The following CRACD variants were observed in gnomAD, a reference collection of about 807,000 sequenced individuals.
CRACD encodes capping protein inhibiting regulator of actin dynamics.
A neutral mutation model predicts 106.8 loss-of-function variants in CRACD; 56 were observed. The ratio of observed to expected loss-of-function variants is 0.52; its 90% confidence interval spans 0.42 to 0.66. The LOEUF is 0.66. Ranked by LOEUF, CRACD falls within the 30% of genes least tolerant of loss-of-function variation. The pLI, the probability that CRACD is intolerant of heterozygous loss-of-function variation, is 0.00. For missense variants in CRACD, 1,730 were observed against 1,623.2 expected (o/e 1.07, Z -1.13); for synonymous variants, 754 against 670.8 (o/e 1.12, Z -1.92).
At chr4:56,214,496 G>A (rs1271817031) in intron 2 of CRACD, among the ~76,000 whole-genome samples, 1 of 151,850 alleles carries the variant, frequency 6.6e-6, no homozygotes, top group Non-Finnish European at 1.5e-5. Flanking sequence ...GGAAGCCGCG[G>A]CAGGAGAATC....
intron 2 of CRACD, among the ~76,000 whole-genome samples, chr4:56,193,925 A>G (rs963380207): frequency 6.6e-6 from 1 of 152,036 alleles, no homozygotes; most frequent in Non-Finnish European, 1.5e-5. Flanking sequence ...GTGTAGTTTG[A>G]TATTATAGGC....
rs148407172 is a variant in CRACD, at chr4:56,071,107, T to G, written c.-336+21808T>G. 2.8e-3 allele frequency among the ~76,000 whole-genome samples: 430 copies of G among 152,260 alleles called. 2 individuals are homozygous for G. The highest frequency in any genetic ancestry group is 9.2e-3 in the African/African-American group (381 of 41,540). ...CCTCCTCATGTTATCTGAAATAAAA[T>G]AGATGGCATGATAGCCCTATTTGTA... On this transcript the variant is annotated intron_variant, in intron 1 of 10. Coordinates refer to ENST00000682029, the MANE Select transcript of CRACD (RefSeq NM_001393381.1).
chr4:56,310,996 A>T, intron 6 of CRACD: 1 of 453,282 alleles, frequency 2.2e-6, no homozygotes, highest in Non-Finnish European at 4.0e-6. Context: ...AGAAGTTGGT[A>T]GCTTTCCTCA....
chr4:56,142,952 T>G (rs1735256155), intron 1 of CRACD, among the ~76,000 whole-genome samples: 1 of 152,112 alleles, frequency 6.6e-6, no homozygotes, highest in South Asian at 2.1e-4. Context: ...ATATTCCATT[T>G]TACCATTCGG....
At chr4:56,256,733 G>T (rs958330757) in intron 2 of CRACD, among the ~76,000 whole-genome samples, 1 of 152,168 alleles carries the variant, frequency 6.6e-6, no homozygotes, top group African/African-American at 2.4e-5. Context: ...CCTCATTCTT[G>T]CTACATTATC....
chr4:56,181,364 T>C (rs559093566), intron 2 of CRACD, among the ~76,000 whole-genome samples: 98 of 152,324 alleles, frequency 6.4e-4, no homozygotes, highest in African/African-American at 2.3e-3. Context: ...CAGTCAGTGC[T>C]GGAGCAGAGT....
intron 1 of CRACD, among the ~76,000 whole-genome samples, chr4:56,169,861 A>G (rs965289877): frequency 3.3e-5 from 5 of 152,134 alleles, no homozygotes; most frequent in African/African-American, 9.7e-5. Flanking sequence ...TTTGTTTCCT[A>G]AGATGTGCTT....
At chr4:56,228,390 T>A (rs1375091316) in intron 2 of CRACD, among the ~76,000 whole-genome samples, 1 of 152,100 alleles carries the variant, frequency 6.6e-6, no homozygotes, top group African/African-American at 2.4e-5. Flanking sequence ...TGTTAAAATA[T>A]ATAGTTCAGT....
intron 2 of CRACD, among the ~76,000 whole-genome samples, chr4:56,233,655 A>G (rs4865072): frequency 0.45 from 68,303 of 151,752 alleles, 15,905 homozygotes; most frequent in Non-Finnish European, 0.51. Context: ...AGTTTTGTTC[A>G]TCTTTTAAAA....
At chr4:56,075,235 T>G (rs1451717499) in intron 1 of CRACD, among the ~76,000 whole-genome samples, 1 of 152,214 alleles carries the variant, frequency 6.6e-6, no homozygotes. Context: ...CTTTTTCTAT[T>G]GTTTGGAATA....
chr4:56,231,584 A>G lies in CRACD; in HGVS notation c.-188-40737A>G, dbSNP rs1230303791. The stretch of plus-strand genomic sequence containing the variant: ...AATAGGAAGAACGAGAAGCTACCCA[A>G]ATGCCTATCAACCTAAGTTGAGATA... On this transcript the variant is annotated intron_variant, in intron 2 of 10. Transcript: ENST00000682029. Among the ~76,000 whole-genome samples, 7 of 152,198 alleles carry G rather than the reference A, an allele frequency of 4.6e-5. No individual in the cohort carries two copies. In the East Asian group the frequency reaches 7.7e-4, roughly 17 times the overall value.
intron 2 of CRACD, among the ~76,000 whole-genome samples, chr4:56,245,793 A>G (rs990685189): frequency 6.6e-6 from 1 of 152,214 alleles, no homozygotes; most frequent in African/African-American, 2.4e-5. Context: ...ATTGCCCTTC[A>G]TTGAAGTAAA....
At chr4:56,085,809 T>C (rs981882498) in intron 1 of CRACD, among the ~76,000 whole-genome samples, 79 of 152,288 alleles carry the variant, frequency 5.2e-4, no homozygotes, top group African/African-American at 1.7e-3. Context: ...TTTTTAGATA[T>C]AGGACTCTGA....
chr4:56,215,126 C>T (rs548258356), intron 2 of CRACD, among the ~76,000 whole-genome samples: 2 of 152,318 alleles, frequency 1.3e-5, no homozygotes, highest in African/African-American at 4.8e-5. Context: ...CTTCCCACCT[C>T]AGCCTCCCAA....
chr4:56,258,048 G>A (rs112891811), intron 2 of CRACD, among the ~76,000 whole-genome samples: 3,764 of 145,352 alleles, frequency 0.026, 65 homozygotes, highest in South Asian at 0.1. Flanking sequence ...CCAGCCTGGC[G>A]ACAGAGTGAG....
chr4:56,297,064 C>T (rs1295408596), intron 3 of CRACD, among the ~76,000 whole-genome samples: 1 of 152,016 alleles, frequency 6.6e-6, no homozygotes, highest in East Asian at 1.9e-4. Flanking sequence ...GGATTATAGG[C>T]GCCAGCCATC....
intron 2 of CRACD, among the ~76,000 whole-genome samples, chr4:56,201,287 G>A (rs182798988): frequency 1.7e-4 from 26 of 152,210 alleles, no homozygotes; most frequent in Admixed American, 1.2e-3. Context: ...AAAATAAACC[G>A]TCTCTCTTTA....
intron 7 of CRACD, 100 bp downstream of exon 7, chr4:56,313,479 T>C (rs1560532897): frequency 1.9e-6 from 2 of 1,046,420 alleles, no homozygotes; most frequent in Non-Finnish European, 2.8e-6. Context: ...TGTAAAGACC[T>C]GAGAGTCTCC....
chr4:56,124,207 G>C (rs541963444), intron 1 of CRACD, among the ~76,000 whole-genome samples: 2 of 152,280 alleles, frequency 1.3e-5, no homozygotes, highest in South Asian at 4.2e-4. Flanking sequence ...CAAAGTGCTG[G>C]GATTACAGGC....
Sources: gnomAD v4.1 joint callset for allele counts (sites outside exome capture counted in the v4.1 genomes callset) on GRCh38, gnomAD v4.1.1 for gene constraint, MANE v1.5 for transcripts, NCBI Gene and HGNC (gene_info 2026-07-23, HGNC 2026-07-21) for gene names.